The following GALNTL6 variants were observed in gnomAD, a reference collection of about 807,000 sequenced individuals.
GALNTL6 encodes polypeptide N-acetylgalactosaminyltransferase like 6.
Under a neutral mutation model 73.7 loss-of-function variants are expected in GALNTL6, and 46 were observed. That is an observed-to-expected ratio of 0.62 (90% CI 0.49 to 0.80). GALNTL6 has a LOEUF of 0.80. Ranked by LOEUF, GALNTL6 falls within the 30% of genes least tolerant of loss-of-function variation. The pLI is 0.00. For synonymous variants in GALNTL6, 259 were observed against 263.7 expected, an observed-to-expected ratio of 0.98 and a Z score of 0.17; for missense variants, 604 against 755.0, an observed-to-expected ratio of 0.80 and a Z score of 2.34.
rs1371745347 is a variant in GALNTL6, at chr4:172,634,422, C to T, written c.554-174939C>T. Among the ~76,000 whole-genome samples, 4 of 151,900 alleles carry T rather than the reference C, an allele frequency of 2.6e-5. No individual in the cohort carries two copies. The East Asian group carries it at 7.7e-4, about 29-fold the overall frequency. ...CCTAGAACATGTGGTTGCACTGTCC[C>T]CCGTGGCAATAGTTGGCTGGAGCTA... is the stretch of plus-strand genomic sequence containing the variant. On this transcript the variant is annotated intron_variant, in intron 5 of 12. Coordinates refer to ENST00000506823, the MANE Select transcript of GALNTL6 (RefSeq NM_001034845.3).
intron 2 of GALNTL6, among the ~76,000 whole-genome samples, chr4:172,060,748 T>G (rs2110880413): frequency 6.6e-6 from 1 of 152,270 alleles, no homozygotes; most frequent in East Asian, 1.9e-4. Context: ...AAAACATCAC[T>G]TAGTCACTAC....
At chr4:172,817,848 A>C (rs918073265) in intron 7 of GALNTL6, among the ~76,000 whole-genome samples, 2 of 152,198 alleles carry the variant, frequency 1.3e-5, no homozygotes. Flanking sequence ...AGACTTATTG[A>C]CAGAAATGTT....
At chr4:171,838,323 A>G (rs772976994) in intron 2 of GALNTL6, among the ~76,000 whole-genome samples, 20 of 151,914 alleles carry the variant, frequency 1.3e-4, no homozygotes, top group Non-Finnish European at 2.2e-4. Context: ...GGGTTTCACC[A>G]TGTTGGCCAG....
intron 5 of GALNTL6, among the ~76,000 whole-genome samples, chr4:172,542,161 G>A (rs1373670815): frequency 6.6e-5 from 10 of 151,854 alleles, no homozygotes; most frequent in Non-Finnish European, 1.3e-4. Flanking sequence ...GGCGGCAGAT[G>A]TGCCAAATTT....
At chr4:172,844,464 T>G (rs1398366204) in intron 7 of GALNTL6, among the ~76,000 whole-genome samples, 1 of 152,198 alleles carries the variant, frequency 6.6e-6, no homozygotes, top group Non-Finnish European at 1.5e-5. Flanking sequence ...ACTCAAATCT[T>G]TTTCTTCCAA....
intron 3 of GALNTL6, among the ~76,000 whole-genome samples, chr4:172,245,850 C>G (rs1014340962): frequency 6.6e-6 from 1 of 152,160 alleles, no homozygotes; most frequent in Non-Finnish European, 1.5e-5. Flanking sequence ...CAGAGACTGA[C>G]TTCAGAACCA....
At chr4:172,269,951 G>A (rs112448619) in intron 3 of GALNTL6, among the ~76,000 whole-genome samples, 5 of 151,948 alleles carry the variant, frequency 3.3e-5, no homozygotes, top group South Asian at 2.1e-4. Flanking sequence ...AGACGGTTTC[G>A]CCATGTTGGC....
chr4:172,238,293 T>C (rs527617963), intron 3 of GALNTL6, among the ~76,000 whole-genome samples: 10 of 152,174 alleles, frequency 6.6e-5, no homozygotes, highest in Non-Finnish European at 1.0e-4. Flanking sequence ...TGTTTTGTAA[T>C]CCTCATTTTA....
chr4:172,673,273 G>A (rs1403292362), intron 5 of GALNTL6, among the ~76,000 whole-genome samples: 5 of 151,972 alleles, frequency 3.3e-5, no homozygotes, highest in Non-Finnish European at 5.9e-5. Flanking sequence ...TTCATGTAAT[G>A]TGATGGTTTT....
At position 172,311,749 on chromosome 4, in the gene GALNTL6, C is replaced by T; in HGVS notation, c.383C>T (p.Ala128Val). Residue 128 changes from alanine to valine, a missense_variant, in exon 4 of 13, where the codon GCT becomes GTT. Physicochemically the swap from Ala to Val is moderately conservative, Grantham distance 64 (BLOSUM62 0). Around this residue, in one of 5 missense-constraint regions of GALNTL6, gnomAD observed 141 missense variants for 156.6 expected, o/e 0.90. Transcript: ENST00000506823. Reference sequence around the variant, plus strand: ...AGGTCTCTGCCAGATATTCGTCATGCTAAGTGAGTATCAGCATATCAGTGA... The same window carrying T: ...AGGTCTCTGCCAGATATTCGTCATGTTAAGTGAGTATCAGCATATCAGTGA... ...LERSLPDIRH[A>V]NCKHKMYLER... 1 of 1,585,016 alleles carries T rather than the reference C, an allele frequency of 6.3e-7. No individual in the cohort carries two copies. The highest frequency in any genetic ancestry group is 8.6e-7 in the Non-Finnish European group (1 of 1,163,118).
intron 5 of GALNTL6, among the ~76,000 whole-genome samples, chr4:172,576,438 G>A (rs1736958772): frequency 6.6e-6 from 1 of 152,152 alleles, no homozygotes; most frequent in Admixed American, 6.6e-5. Context: ...CATAAATGAT[G>A]GAAAGAGCTT....
At chr4:172,222,501 G>T (rs960943516) in intron 2 of GALNTL6, among the ~76,000 whole-genome samples, 2 of 151,878 alleles carry the variant, frequency 1.3e-5, no homozygotes, top group African/African-American at 4.8e-5. Flanking sequence ...CAAGATAAAA[G>T]ATCTCATCTG....
intron 8 of GALNTL6, among the ~76,000 whole-genome samples, chr4:172,893,345 C>CG (rs34438659): frequency 0.019 from 2,079 of 110,164 alleles, 41 homozygotes; most frequent in Middle Eastern, 0.058. Context: ...CTGAGAGTGG[C>CG]GGGGGGGGGG....
intron 2 of GALNTL6, among the ~76,000 whole-genome samples, chr4:172,026,748 A>G (rs72698942): frequency 0.069 from 10,500 of 152,208 alleles, 793 homozygotes; most frequent in African/African-American, 0.18. Flanking sequence ...TTTTACATGT[A>G]CTATGTAACA....
intron 2 of GALNTL6, among the ~76,000 whole-genome samples, chr4:172,220,630 A>G (rs1736641918): frequency 6.6e-6 from 1 of 151,848 alleles, no homozygotes; most frequent in Non-Finnish European, 1.5e-5. Flanking sequence ...AATTTTTTCC[A>G]AAGATTGAAT....
At chr4:172,344,552 C>T (rs959315549) in intron 4 of GALNTL6, among the ~76,000 whole-genome samples, 2 of 152,112 alleles carry the variant, frequency 1.3e-5, no homozygotes, top group African/African-American at 4.8e-5. Context: ...CATTGTCTGC[C>T]CTGCTGCCAG....
At chr4:172,310,000 C>T (rs953332283) in intron 3 of GALNTL6, among the ~76,000 whole-genome samples, 9 of 151,888 alleles carry the variant, frequency 5.9e-5, no homozygotes, top group Non-Finnish European at 1.2e-4. Flanking sequence ...TAAGGATGAA[C>T]CTGAAAATCT....
intron 3 of GALNTL6, among the ~76,000 whole-genome samples, chr4:172,253,155 T>C (rs1579302465): frequency 6.6e-6 from 1 of 152,008 alleles, no homozygotes; most frequent in South Asian, 2.1e-4. Context: ...AATAAAGATG[T>C]TGTATTTTAA....
intron 10 of GALNTL6, among the ~76,000 whole-genome samples, chr4:172,969,382 G>T (rs1419118191): frequency 6.6e-6 from 1 of 152,006 alleles, no homozygotes; most frequent in Non-Finnish European, 1.5e-5. Flanking sequence ...ATTCCCAAAA[G>T]AAGGAAGCCC....
Sources: gnomAD v4.1 joint callset for allele counts (sites outside exome capture counted in the v4.1 genomes callset) on GRCh38, gnomAD v4.1.1 for gene constraint, gnomAD v4.1.1 regional missense constraint, MANE v1.5 for transcripts, NCBI Gene and HGNC (gene_info 2026-07-23, HGNC 2026-07-21) for gene names.